The following CYFIP2 variants were observed in gnomAD, a reference collection of about 807,000 sequenced individuals.
The protein encoded by CYFIP2 is cytoplasmic FMR1-interacting protein 2.
A neutral mutation model predicts 158.7 loss-of-function variants in CYFIP2; 29 were observed. That is an observed-to-expected ratio of 0.18 (90% confidence interval 0.14 to 0.25). The LOEUF (loss-of-function observed/expected upper bound fraction) is 0.25, where lower values mean the gene tolerates loss of function less well. CYFIP2 is among the 10% of genes least tolerant of loss of function. CYFIP2 has a pLI of 1.00. For missense variants in CYFIP2, 852 were observed against 1,639.5 expected, an observed-to-expected ratio of 0.52 and a Z score of 8.29; for synonymous variants, 585 against 617.6, an observed-to-expected ratio of 0.95 and a Z score of 0.78.
chr5:157,339,350 T>A, intron 22 of CYFIP2, 94 bp downstream of exon 22: 1 of 1,143,452 alleles, frequency 8.7e-7, no homozygotes, highest in Non-Finnish European at 1.3e-6. Flanking sequence ...TGTGAGTGGT[T>A]CCTGCAACAG....
chr5:157,342,781 A>C, intron 23 of CYFIP2: 1 of 1,313,204 alleles, frequency 7.6e-7, no homozygotes, highest in Non-Finnish European at 1.0e-6. Flanking sequence ...AGAAATGGGT[A>C]GTCTATAGAC....
At chr5:157,271,729 T>G (rs1173715042) in intron 1 of CYFIP2, among the ~76,000 whole-genome samples, 1 of 152,200 alleles carries the variant, frequency 6.6e-6, no homozygotes, top group Non-Finnish European at 1.5e-5. Context: ...AAAATGTGAT[T>G]TGGGGGCCTT....
chr5:157,326,330 CTT>C, intron 18 of CYFIP2, 63 bp downstream of exon 18: 1 of 1,366,510 alleles, frequency 7.3e-7, no homozygotes, highest in Non-Finnish European at 1.0e-6. Context: ...CTTTTCCAGT[CTT>C]TTGCTATTAG....
In CYFIP2 at chr5:157,395,485, A is replaced by G; in HGVS notation, c.*2485A>G. On this transcript the variant is annotated 3_prime_UTR_variant, in exon 31 of 31. Coordinates refer to ENST00000620254, the MANE Select transcript of CYFIP2 (RefSeq NM_001037333.3). ...TAATGATGTTAAATTCTTAAATCATATTTGCTATGCAGCTGAAGATGATAT... is the reference window on the plus strand; with the variant it reads ...TAATGATGTTAAATTCTTAAATCATGTTTGCTATGCAGCTGAAGATGATAT... 1 of 493,844 alleles carries G rather than the reference A, an allele frequency of 2.0e-6. No homozygotes were observed. Among genetic ancestry groups the G allele is most frequent in the Non-Finnish European group, 3.6e-6 (1 of 279,648 alleles). The allele number at this position is 493,844 out of a possible 1,614,324, so 30.6% of individuals were successfully genotyped here.
At chr5:157,338,697 A>AG (rs1483231181) in intron 21 of CYFIP2, among the ~76,000 whole-genome samples, 4 of 152,234 alleles carry the variant, frequency 2.6e-5, no homozygotes, top group Non-Finnish European at 4.4e-5. Flanking sequence ...GGTAGCTCTT[A>AG]GTATTGCTTT....
chr5:157,367,659 T>C (rs1468998033), intron 26 of CYFIP2, among the ~76,000 whole-genome samples: 7 of 152,164 alleles, frequency 4.6e-5, no homozygotes, highest in Non-Finnish European at 8.8e-5. Context: ...AATTGTTTTA[T>C]TACATAATTG....
At chr5:157,342,096 G>A (rs1302819141) in intron 23 of CYFIP2, 1 of 152,598 alleles carries the variant, frequency 6.6e-6, no homozygotes, top group Non-Finnish European at 1.5e-5. Context: ...AGACAAGCAA[G>A]CAGGCATTAA....
chr5:157,327,796 C>G (rs1041266153), intron 18 of CYFIP2, 177 bp from the exon 19 acceptor site: 2 of 602,196 alleles, frequency 3.3e-6, no homozygotes, highest in Non-Finnish European at 5.9e-6. Flanking sequence ...ACTGAGGACC[C>G]TGAGAGCAAG....
chr5:157,334,415 C>A (rs904280463), intron 21 of CYFIP2, among the ~76,000 whole-genome samples: 2 of 152,068 alleles, frequency 1.3e-5, no homozygotes, highest in East Asian at 3.8e-4. Context: ...GTACATCTTA[C>A]CACAATAACA....
At chr5:157,363,575 T>G (rs939321362) in intron 26 of CYFIP2, 4 of 152,524 alleles carry the variant, frequency 2.6e-5, no homozygotes, top group African/African-American at 7.2e-5. Context: ...GAGGACCTCA[T>G]AGTGAGCTGG....
At chr5:157,319,337 A>G (rs1760404514) in intron 13 of CYFIP2, among the ~76,000 whole-genome samples, 1 of 152,234 alleles carries the variant, frequency 6.6e-6, no homozygotes, top group Non-Finnish European at 1.5e-5. Flanking sequence ...AGAAAATTTT[A>G]TGTTAAAAAA....
intron 19 of CYFIP2, among the ~76,000 whole-genome samples, chr5:157,329,613 A>C (rs905846085): frequency 6.6e-6 from 1 of 152,224 alleles, no homozygotes; most frequent in African/African-American, 2.4e-5. Flanking sequence ...AAGCAGATGA[A>C]ATTAATTTTA....
At chr5:157,310,682 C>G (rs1023193686) in intron 10 of CYFIP2, among the ~76,000 whole-genome samples, 1 of 152,138 alleles carries the variant, frequency 6.6e-6, no homozygotes. Context: ...TGGCTGGGAG[C>G]GGAGGCTAGG....
chr5:157,309,665 C>T lies in CYFIP2; in HGVS notation c.901-78C>T. 3.0e-6 allele frequency: 4 copies of T among 1,336,050 alleles called. No individual in the cohort carries two copies. In the East Asian group the frequency reaches 1.0e-4, roughly 33 times the overall value. The allele number at this position is 1,336,050 out of a possible 1,614,324, so 82.8% of individuals were successfully genotyped here. ...CCAGGCACACACAGAGGCCTGCCTC[C>T]CACAGTGGGGTGGCAGCGAAGGCAG... On this transcript the variant is annotated intron_variant, in intron 9 of 30. Transcript: ENST00000620254.
chr5:157,393,207 G>GA lies in CYFIP2; in HGVS notation c.*224dup, dbSNP rs3052310. ...ATGCTGGTTTCTCCATAGCATAAAT[G>GA]AAAAAAAAAAAAAAAAAGTAAACAG... On this transcript the variant is annotated 3_prime_UTR_variant, in exon 31 of 31. Coordinates refer to ENST00000620254, the MANE Select transcript of CYFIP2 (RefSeq NM_001037333.3). 46,181 of 278,396 alleles carry GA rather than the reference G, an allele frequency of 0.17. 3,266 individuals carry two copies. The highest frequency in any genetic ancestry group is 0.29 in the African/African-American group (11,737 of 40,298). The allele number at this position is 278,396 out of a possible 1,614,324, so 17.2% of individuals were successfully genotyped here.
intron 30 of CYFIP2, 140 bp downstream of exon 30, chr5:157,390,808 C>A (rs989456976): frequency 5.8e-6 from 8 of 1,379,054 alleles, no homozygotes; most frequent in Non-Finnish European, 7.9e-6. Flanking sequence ...AGGCTGGGGA[C>A]CTGCTTAGAG....
At chr5:157,364,785 A>G (rs573688074) in intron 26 of CYFIP2, 21 of 152,240 alleles carry the variant, frequency 1.4e-4, no homozygotes, top group Admixed American at 7.8e-4. Context: ...TTAAATTTTT[A>G]AATGACATAC....
chr5:157,324,470 T>A (rs1246533353), intron 16 of CYFIP2, among the ~76,000 whole-genome samples: 2 of 152,264 alleles, frequency 1.3e-5, no homozygotes, highest in Non-Finnish European at 2.9e-5. Flanking sequence ...AGTCCTGTGT[T>A]CTTCACACTT....
chr5:157,368,639 C>T (rs1318237986), intron 26 of CYFIP2, among the ~76,000 whole-genome samples: 1 of 147,768 alleles, frequency 6.8e-6, no homozygotes, highest in Non-Finnish European at 1.5e-5. Flanking sequence ...ACTTTATTTA[C>T]ATCTTTTCAG....
Sources: allele counts gnomAD v4.1 joint callset (sites outside exome capture counted in the v4.1 genomes callset), GRCh38; gene constraint gnomAD v4.1.1; transcripts MANE v1.5; gene names NCBI Gene and HGNC (gene_info 2026-07-23, HGNC 2026-07-21).